Variants in HMGCL observed in about 807,000 individuals in gnomAD.
HMGCL encodes hydroxymethylglutaryl-CoA lyase, mitochondrial.
Under a neutral mutation model 37.3 loss-of-function variants are expected in HMGCL, and 26 were observed. The ratio of observed to expected loss-of-function variants is 0.70; its 90% CI spans 0.51 to 0.97. The LOEUF is 0.97. Ranked by LOEUF, HMGCL falls within the 50% of genes least tolerant of loss-of-function variation. The pLI, the probability that HMGCL is intolerant of heterozygous loss-of-function variation, is 0.00. For synonymous variants in HMGCL, 151 were observed against 148.0 expected, an observed-to-expected ratio of 1.02 and a Z score of -0.15; for missense variants, 379 against 398.1, an observed-to-expected ratio of 0.95 and a Z score of 0.41.
chr1:23,823,581 G>T (rs1032751326), intron 1 of HMGCL, among the ~76,000 whole-genome samples: 5 of 151,940 alleles, frequency 3.3e-5, no homozygotes, highest in African/African-American at 1.2e-4. Flanking sequence ...CCGAACTCCC[G>T]ACCTCAAGTG....
intron 2 of HMGCL, 95 bp downstream of exon 2, chr1:23,820,415 T>G: frequency 1.2e-6 from 1 of 868,108 alleles, no homozygotes; most frequent in Non-Finnish European, 2.0e-6. Context: ...AATCACATCT[T>G]GCATAGCTCT....
At chr1:23,811,107 G>T (rs1638512493) in intron 5 of HMGCL, among the ~76,000 whole-genome samples, 1 of 152,148 alleles carries the variant, frequency 6.6e-6, no homozygotes. Flanking sequence ...CAGCTGGGTT[G>T]TAAGGTGGGG....
At chr1:23,818,421 T>G (rs572711279) in intron 2 of HMGCL, among the ~76,000 whole-genome samples, 9 of 152,288 alleles carry the variant, frequency 5.9e-5, no homozygotes, top group African/African-American at 2.2e-4. Context: ...GCCACTGCAC[T>G]GAGTGACACA....
At chr1:23,805,808 A>G (rs1193129676) in intron 7 of HMGCL, among the ~76,000 whole-genome samples, 1 of 152,204 alleles carries the variant, frequency 6.6e-6, no homozygotes, top group Non-Finnish European at 1.5e-5. Context: ...TTCACAGATC[A>G]GAACACGAAC....
intron 7 of HMGCL, among the ~76,000 whole-genome samples, chr1:23,805,896 A>C (rs1459053954): frequency 6.6e-6 from 1 of 150,896 alleles, no homozygotes; most frequent in East Asian, 2.0e-4. Context: ...TAGGCTCCAA[A>C]CTGGTTCTTC....
chr1:23,802,646 G>GT, intron 8 of HMGCL, 82 bp from the exon 9 acceptor site: 2 of 903,094 alleles, frequency 2.2e-6, no homozygotes, highest in Admixed American at 3.5e-5. Context: ...ACAGACAACT[G>GT]TGATACTGAA....
intron 2 of HMGCL, among the ~76,000 whole-genome samples, chr1:23,817,951 C>T (rs1638645041): frequency 6.6e-6 from 1 of 152,160 alleles, no homozygotes. Flanking sequence ...TCTTTATCTT[C>T]CTCCCCACCA....
At chr1:23,804,673 A>G in intron 7 of HMGCL, 148 bp from the exon 8 acceptor site, 2 of 832,934 alleles carry the variant, frequency 2.4e-6, no homozygotes, top group South Asian at 2.9e-5. Context: ...TGACAATCCC[A>G]CAGAAAGAGA....
chr1:23,810,222 G>A (rs1638493699), intron 6 of HMGCL: 1 of 180,962 alleles, frequency 5.5e-6, no homozygotes, highest in South Asian at 9.9e-5. Context: ...TTCACCATTT[G>A]TAACCTGTGT....
At chr1:23,823,752 G>A (rs555423217) in intron 1 of HMGCL, among the ~76,000 whole-genome samples, 3 of 152,000 alleles carry the variant, frequency 2.0e-5, no homozygotes, top group Non-Finnish European at 4.4e-5. Flanking sequence ...GGCCCCACTT[G>A]GGAGGCTGAG....
chr1:23,807,500 A>C (rs944893567), intron 7 of HMGCL, among the ~76,000 whole-genome samples: 1 of 152,246 alleles, frequency 6.6e-6, no homozygotes, highest in African/African-American at 2.4e-5. Flanking sequence ...TCAGACACTA[A>C]GAATGCTCCT....
Position 23,817,503 on chromosome 1 carries a change from G to C in HMGCL, c.225C>G (p.Ser75Arg), listed in dbSNP as rs1357942068. Residue 75 changes from serine (S) to arginine (R), a missense_variant, in exon 3 of 9, where the codon AGC (serine) becomes AGG (arginine). Physicochemically the swap from Ser to Arg is moderately radical, Grantham distance 110. Coordinates refer to ENST00000374490, the MANE Select transcript of HMGCL (RefSeq NM_000191.3). Reference protein sequence around the residue: ...EAGLSVIETTSFVSPKWVPQM... With the variant: ...EAGLSVIETTRFVSPKWVPQM... ...GGGGAACCCACTTAGGAGACACAAA[G>C]CTGGTGGTTTCTATAACAGAGAGTC... is the stretch of plus-strand genomic sequence containing the variant. 4.3e-6 allele frequency: 7 copies of C among 1,612,768 alleles called. No homozygotes were observed. The highest frequency in any genetic ancestry group is 1.3e-5 in the African/African-American group (1 of 74,906).
At chr1:23,818,692 C>T (rs1455220715) in intron 2 of HMGCL, among the ~76,000 whole-genome samples, 1 of 151,980 alleles carries the variant, frequency 6.6e-6, no homozygotes, top group African/African-American at 2.4e-5. Flanking sequence ...GATGGGATTA[C>T]ACAAGCATGC....
intron 8 of HMGCL, chr1:23,804,176 T>C (rs896436477): frequency 4.8e-6 from 3 of 625,276 alleles, no homozygotes; most frequent in African/African-American, 1.8e-5. Context: ...ACTGGCAGGA[T>C]CATAGCTCAC....
chr1:23,816,907 C>A, intron 3 of HMGCL, 137 bp from the exon 4 acceptor site: 1 of 718,212 alleles, frequency 1.4e-6, no homozygotes, highest in East Asian at 2.6e-5. Flanking sequence ...CTGAGTCTCT[C>A]CAATACTTTT....
intron 7 of HMGCL, among the ~76,000 whole-genome samples, chr1:23,805,164 T>A (rs767627434): frequency 1.1e-4 from 17 of 152,130 alleles, no homozygotes; most frequent in Non-Finnish European, 2.1e-4. Context: ...TCCCTCATGC[T>A]GCCTGAGATG....
intron 3 of HMGCL, among the ~76,000 whole-genome samples, chr1:23,817,074 A>G (rs574358569): frequency 3.2e-4 from 49 of 152,330 alleles, no homozygotes; most frequent in African/African-American, 1.2e-3. Context: ...CCAGGCACTG[A>G]GCTCAGCTCT....
At chr1:23,818,280 G>A (rs539237850) in intron 2 of HMGCL, among the ~76,000 whole-genome samples, 231 of 152,232 alleles carry the variant, frequency 1.5e-3, no homozygotes, top group Admixed American at 0.011. Flanking sequence ...GCAACATGGC[G>A]AAACCCCCTC....
In HMGCL at chr1:23,814,217, G is replaced by A. The variant is rs147752765; in HGVS notation, c.470C>T (p.Ala157Val). ...FQRFDAILKAAQSANISVRGY... is the reference protein window; with the variant it reads ...FQRFDAILKAVQSANISVRGY... Reference sequence around the variant, plus strand: ...CCGCACAGAAATATTGGCTGACTGCGCTGCCTTCAGGATTGCGTCAAACCT... The same window carrying A: ...CCGCACAGAAATATTGGCTGACTGCACTGCCTTCAGGATTGCGTCAAACCT... Residue 157 changes from alanine to valine, a missense_variant, in exon 5 of 9, where the codon GCG becomes GTG. Ala to Val is a moderately conservative substitution (Grantham distance 64). Coordinates refer to ENST00000374490, the MANE Select transcript of HMGCL (RefSeq NM_000191.3). The A allele has an allele frequency of 9.3e-6, 15 of 1,613,798 alleles. No homozygotes were observed. The African/African-American group carries it at 1.3e-4, about 14-fold the overall frequency.
Sources: allele counts gnomAD v4.1 joint callset (sites outside exome capture counted in the v4.1 genomes callset), GRCh38; gene constraint gnomAD v4.1.1; transcripts MANE v1.5; gene names NCBI Gene and HGNC (gene_info 2026-07-23, HGNC 2026-07-21).